The following ECPAS variants were observed in gnomAD, a reference collection of about 807,000 sequenced individuals.
ECPAS encodes Ecm29 proteasome adaptor and scaffold.
Under a neutral mutation model 255.1 loss-of-function variants are expected in ECPAS, and 70 were observed. The observed-to-expected ratio is 0.27, with a 90% CI of 0.23 to 0.33. ECPAS has a LOEUF of 0.33. ECPAS is among the 10% of genes least tolerant of loss of function. The pLI, the probability that ECPAS is intolerant of heterozygous loss-of-function variation, is 1.00. For missense variants in ECPAS, 1,817 were observed against 2,206.4 expected (o/e 0.82, Z 3.54); for synonymous variants, 784 against 775.0 (o/e 1.01, Z -0.19).
chr9:111,436,357 T>C (rs72764781), intron 7 of ECPAS, among the ~76,000 whole-genome samples: 284 of 152,338 alleles, frequency 1.9e-3, no homozygotes, highest in Non-Finnish European at 3.4e-3. Context: ...ACCTTCTCTG[T>C]AGAGCACCAG....
At chr9:111,462,428 G>A (rs2132026113) in intron 2 of ECPAS, among the ~76,000 whole-genome samples, 2 of 152,206 alleles carry the variant, frequency 1.3e-5, no homozygotes, top group Middle Eastern at 3.4e-3. Flanking sequence ...GCTAGAAAAT[G>A]CAATATGGAA....
chr9:111,421,994 A>G lies in ECPAS; in HGVS notation c.1382T>C (p.Val461Ala), dbSNP rs1329649691. 5 of 1,613,592 alleles carry G rather than the reference A, an allele frequency of 3.1e-6. No homozygotes were observed. The African/African-American group carries it at 5.3e-5, about 17-fold the overall frequency. ...CCCTTCCAAAGTACTATACGCTCCA[A>G]CCATCATAGATAAAGCTTCTTGAAT... is the stretch of plus-strand genomic sequence containing the variant. ...LAIQEALSMM[V>A]GAYSTLEGAQ... The change falls in exon 15 of 50, where the codon GTT becomes GCT. Residue 461 changes from valine to alanine, a missense_variant. Coordinates refer to ENST00000684092, the MANE Select transcript of ECPAS (RefSeq NM_001364929.1).
chr9:111,454,118 A>T (rs1212944999), intron 2 of ECPAS, among the ~76,000 whole-genome samples: 4 of 152,178 alleles, frequency 2.6e-5, no homozygotes, highest in African/African-American at 7.2e-5. Context: ...TTCAACCCAC[A>T]GTGTTTGCAG....
At chr9:111,438,142 G>A (rs1564545963) in intron 6 of ECPAS, among the ~76,000 whole-genome samples, 1 of 152,124 alleles carries the variant, frequency 6.6e-6, no homozygotes, top group Non-Finnish European at 1.5e-5. Flanking sequence ...GGAATCACTG[G>A]CTTGGTTACA....
intron 17 of ECPAS, 95 bp from the exon 18 acceptor site, chr9:111,416,447 G>A: frequency 1.2e-6 from 1 of 868,370 alleles, no homozygotes; most frequent in Non-Finnish European, 1.9e-6. Context: ...CTAGCTACAT[G>A]TCCTAAGTTT....
intron 2 of ECPAS, among the ~76,000 whole-genome samples, chr9:111,467,443 C>T (rs1269760616): frequency 6.6e-6 from 1 of 152,182 alleles, no homozygotes; most frequent in Non-Finnish European, 1.5e-5. Context: ...TGTGTCATTA[C>T]TAACTTACTT....
At chr9:111,421,475 T>C (rs2131794407) in intron 15 of ECPAS, among the ~76,000 whole-genome samples, 1 of 149,820 alleles carries the variant, frequency 6.7e-6, no homozygotes, top group Admixed American at 6.6e-5. Context: ...AAAATCCTCC[T>C]ACAAATTCCC....
At chr9:111,471,496 G>A (rs2098288123) in intron 2 of ECPAS, among the ~76,000 whole-genome samples, 1 of 152,112 alleles carries the variant, frequency 6.6e-6, no homozygotes, top group Non-Finnish European at 1.5e-5. Flanking sequence ...GCATAGGAGG[G>A]GTGGGGAGAA....
At position 111,412,069 on chromosome 9, in the gene ECPAS, C is replaced by T; in HGVS notation, c.2159G>A (p.Gly720Glu). ...TTCTATCATTGATTTCAACTCATTC[C>T]CCGACACTGTTGATACCACTACAGA... ...FYSVVVSTVS[G>E]NELKSMIEQL... Residue 720 changes from glycine (G) to glutamate (E), a missense_variant, in exon 21 of 50, where the codon GGG (glycine) becomes GAG (glutamate). Physicochemically the swap from Gly to Glu is moderately conservative, Grantham distance 98 (BLOSUM62 -2). Coordinates refer to ENST00000684092, the MANE Select transcript of ECPAS (RefSeq NM_001364929.1). The T allele has an allele frequency of 1.3e-6, 2 of 1,593,624 alleles. No homozygotes were observed. The highest frequency in any genetic ancestry group is 1.7e-6 in the Non-Finnish European group (2 of 1,174,224).
intron 46 of ECPAS, among the ~76,000 whole-genome samples, chr9:111,368,275 A>C (rs2098123113): frequency 2.0e-5 from 3 of 152,192 alleles, no homozygotes; most frequent in Admixed American, 2.0e-4. Flanking sequence ...ATACATGTCC[A>C]GTTCTGAAAA....
intron 1 of ECPAS, among the ~76,000 whole-genome samples, chr9:111,482,062 G>C (rs990282930): frequency 6.6e-6 from 1 of 152,170 alleles, no homozygotes; most frequent in Non-Finnish European, 1.5e-5. Context: ...CAATCCCACT[G>C]AACTGTACAC....
At chr9:111,439,063 T>C (rs1035246793) in intron 6 of ECPAS, among the ~76,000 whole-genome samples, 2 of 152,200 alleles carry the variant, frequency 1.3e-5, no homozygotes, top group South Asian at 2.1e-4. Flanking sequence ...CTACATGAAA[T>C]AGGTCTCGAC....
chr9:111,421,429 G>T (rs1403042950), intron 15 of ECPAS, among the ~76,000 whole-genome samples: 1 of 151,534 alleles, frequency 6.6e-6, no homozygotes, highest in Non-Finnish European at 1.5e-5. Flanking sequence ...GTGTGTGTGT[G>T]TGTGTGTGTG....
Position 111,361,846 on chromosome 9 carries a change from T to G in ECPAS, c.*184A>C. Reference sequence around the variant, plus strand: ...ATTAAGCTCACTCAGCCCAGATACTTTAAAAACATAAAGTAAAATAAAGCT... The same window carrying G: ...ATTAAGCTCACTCAGCCCAGATACTGTAAAAACATAAAGTAAAATAAAGCT... On this transcript the variant is annotated 3_prime_UTR_variant, in exon 50 of 50. Transcript: ENST00000684092. 1.6e-6 allele frequency: 1 copy of G among 642,600 alleles called. No individual in the cohort carries two copies. The highest frequency in any genetic ancestry group is 2.8e-5 in the South Asian group (1 of 35,440). The allele number at this position is 642,600 out of a possible 1,614,324, so 39.8% of individuals were successfully genotyped here.
intron 24 of ECPAS, among the ~76,000 whole-genome samples, chr9:111,398,551 T>C (rs1006583299): frequency 2.0e-5 from 3 of 152,126 alleles, no homozygotes; most frequent in African/African-American, 7.2e-5. Context: ...AAATTTCCTA[T>C]AATAAAAAGT....
intron 36 of ECPAS, among the ~76,000 whole-genome samples, chr9:111,377,282 A>G (rs1476262344): frequency 6.6e-6 from 1 of 152,236 alleles, no homozygotes; most frequent in Non-Finnish European, 1.5e-5. Flanking sequence ...AGGGTTTAAC[A>G]GTTCTAATAA....
intron 24 of ECPAS, among the ~76,000 whole-genome samples, chr9:111,407,936 T>C (rs1029001269): frequency 1.2e-4 from 19 of 152,222 alleles, no homozygotes; most frequent in Admixed American, 8.5e-4. Flanking sequence ...AGAGACATGA[T>C]GGCACAAGTA....
At chr9:111,388,161 C>T (rs1357850902) in intron 31 of ECPAS, among the ~76,000 whole-genome samples, 2 of 151,838 alleles carry the variant, frequency 1.3e-5, no homozygotes, top group African/African-American at 4.8e-5. Context: ...GTTATCCTTA[C>T]TTACATGTAA....
intron 24 of ECPAS, among the ~76,000 whole-genome samples, chr9:111,399,189 A>G (rs2098171871): frequency 6.6e-6 from 1 of 152,084 alleles, no homozygotes; most frequent in Admixed American, 6.6e-5. Flanking sequence ...ACAAAAACTT[A>G]AAATTGAGAA....
Sources: gnomAD v4.1 joint callset for allele counts (sites outside exome capture counted in the v4.1 genomes callset) on GRCh38, gnomAD v4.1.1 for gene constraint, MANE v1.5 for transcripts, NCBI Gene and HGNC (gene_info 2026-07-23, HGNC 2026-07-21) for gene names.